The following RBP2 variants were observed in gnomAD, a reference collection of about 807,000 sequenced individuals.
The protein encoded by RBP2 is retinol binding protein 2, also known as retinol-binding protein 2.
In RBP2, 17 loss-of-function variants were observed where a neutral mutation model predicts 17.0. The ratio of observed to expected loss-of-function variants is 1.00; its 90% CI spans 0.68 to 1.50. RBP2 has a LOEUF of 1.50. Ranked by LOEUF, RBP2 falls within the 40% of genes most tolerant of loss-of-function variation. The pLI is 0.00. For missense variants in RBP2, 158 were observed against 168.2 expected (o/e 0.94, Z 0.33); for synonymous variants, 48 against 57.1 (o/e 0.84, Z 0.72).
intron 2 of RBP2, among the ~76,000 whole-genome samples, chr3:139,456,972 C>A (rs1932994426): frequency 6.6e-6 from 1 of 152,066 alleles, no homozygotes; most frequent in African/African-American, 2.4e-5. Context: ...TCTGAGTTTT[C>A]CTCTAAAGAG....
At chr3:139,467,870 T>A (rs1933419055) in intron 1 of RBP2, among the ~76,000 whole-genome samples, 1 of 152,168 alleles carries the variant, frequency 6.6e-6, no homozygotes, top group Admixed American at 6.5e-5. Context: ...ATAGACTTGG[T>A]CTGTCCCATA....
At chr3:139,466,778 A>C (rs756220151) in intron 1 of RBP2, 1 of 152,246 alleles carries the variant, frequency 6.6e-6, no homozygotes, top group African/African-American at 2.4e-5. Flanking sequence ...TAATATCATT[A>C]TGAAGCCCCT....
chr3:139,471,520 T>A (rs1452638995), intron 1 of RBP2, among the ~76,000 whole-genome samples: 1 of 152,246 alleles, frequency 6.6e-6, no homozygotes, highest in Non-Finnish European at 1.5e-5. Context: ...GTGAAAAAGA[T>A]GTTCTTCATA....
At chr3:139,459,400 A>ATATGTGTGTGTG (rs111417242) in intron 2 of RBP2, among the ~76,000 whole-genome samples, 2,490 of 128,508 alleles carry the variant, frequency 0.019, 61 homozygotes, top group African/African-American at 0.06. Flanking sequence ...TACTATATAT[A>ATATGTGTGTGTG]TGTGTGTGTG....
intron 2 of RBP2, 24 bp from the exon 3 acceptor site, chr3:139,454,854 A>G: frequency 6.3e-7 from 1 of 1,597,854 alleles, no homozygotes; most frequent in South Asian, 1.1e-5. Flanking sequence ...TTCCCAGGCA[A>G]ATCAAACACA....
chr3:139,469,169 G>A (rs998239949), intron 1 of RBP2, among the ~76,000 whole-genome samples: 1 of 152,142 alleles, frequency 6.6e-6, no homozygotes, highest in South Asian at 2.1e-4. Flanking sequence ...CTTCAAATTT[G>A]GACTCCTTAA....
In RBP2 at chr3:139,459,302, C is replaced by T. The variant is rs547598911; in HGVS notation, c.252+2810G>A. ...CAGGCATGGTGGCTCACGCCTGTAACCCCAGCAGTTTTGGAGGCCGAGGCG... is the reference window on the plus strand; with the variant it reads ...CAGGCATGGTGGCTCACGCCTGTAATCCCAGCAGTTTTGGAGGCCGAGGCG... On this transcript the variant is annotated intron_variant, in intron 2 of 3. Transcript: ENST00000232217. Among the ~76,000 whole-genome samples, 33 of 149,556 alleles carry T rather than the reference C, an allele frequency of 2.2e-4. 2 individuals carry two copies. In the South Asian group the frequency reaches 6.8e-3, roughly 31 times the overall value.
chr3:139,453,312 C>T, intron 3 of RBP2, 146 bp from the exon 4 acceptor site: 1 of 787,906 alleles, frequency 1.3e-6, no homozygotes, highest in Non-Finnish European at 2.2e-6. Context: ...CAGACCCAAT[C>T]AGCGGGCATG....
rs115416598 is a variant in RBP2 at position 139,464,429 on chromosome 3, C to T, written c.74-2139G>A. Among the ~76,000 whole-genome samples, 691 of 151,954 alleles carry T rather than the reference C, an allele frequency of 4.5e-3. 7 individuals carry two copies. Among genetic ancestry groups the T allele is most frequent in the African/African-American group, 0.016 (665 of 41,374 alleles). ...GCCAAGATTGTGCCATTGCACTCCT[C>T]GCAATAGAGCGAGACTCCATCTCAA... is the stretch of plus-strand genomic sequence containing the variant. On this transcript the variant is annotated intron_variant, in intron 1 of 3. Transcript: ENST00000232217.
At chr3:139,461,054 G>A (rs1933170069) in intron 2 of RBP2, among the ~76,000 whole-genome samples, 1 of 152,130 alleles carries the variant, frequency 6.6e-6, no homozygotes, top group Non-Finnish European at 1.5e-5. Flanking sequence ...AACTGAGATT[G>A]GATTTCTCCT....
chr3:139,465,998 C>T (rs1275746430), intron 1 of RBP2, among the ~76,000 whole-genome samples: 1 of 152,136 alleles, frequency 6.6e-6, no homozygotes, highest in Non-Finnish European at 1.5e-5. Context: ...CTAGAGCCCC[C>T]ACTTCCCCAC....
chr3:139,453,405 CTCT>C (rs960756699), intron 3 of RBP2, among the ~76,000 whole-genome samples: 1 of 152,210 alleles, frequency 6.6e-6, no homozygotes, highest in Non-Finnish European at 1.5e-5. Flanking sequence ...AGAAATGACC[CTCT>C]TGGGCAGGAT....
intron 3 of RBP2, 105 bp downstream of exon 3, chr3:139,454,624 G>C: frequency 1.9e-6 from 2 of 1,029,590 alleles, no homozygotes; most frequent in Non-Finnish European, 1.5e-6. Context: ...CTGGAGCTCG[G>C]GGTAGGAGTG....
At chr3:139,462,426 C>T in intron 1 of RBP2, 136 bp from the exon 2 acceptor site, 2 of 935,684 alleles carry the variant, frequency 2.1e-6, no homozygotes, top group Non-Finnish European at 3.3e-6. Context: ...GGGAAACAAG[C>T]ATCTTACTCG....
intron 1 of RBP2, among the ~76,000 whole-genome samples, chr3:139,470,693 C>T (rs985807383): frequency 2.0e-5 from 3 of 152,162 alleles, no homozygotes; most frequent in Middle Eastern, 3.4e-3. Context: ...ATTCTCCCCC[C>T]TCAGCCTCCT....
At chr3:139,469,726 T>TATCC in intron 1 of RBP2, among the ~76,000 whole-genome samples, 1 of 151,094 alleles carries the variant, frequency 6.6e-6, no homozygotes. Context: ...TCTATCTATC[T>TATCC]ATCTATCTAC....
intron 1 of RBP2, among the ~76,000 whole-genome samples, chr3:139,469,732 T>TCTATCTAC (rs1186144730): frequency 5.3e-5 from 8 of 150,162 alleles, no homozygotes; most frequent in Non-Finnish European, 1.0e-4. Context: ...TATCTATCTA[T>TCTATCTAC]CTACCTACTC....
intron 1 of RBP2, among the ~76,000 whole-genome samples, chr3:139,471,170 G>C (rs1314987957): frequency 6.6e-6 from 1 of 152,188 alleles, no homozygotes; most frequent in Non-Finnish European, 1.5e-5. Context: ...AATGCCTAGA[G>C]CACTTCCTGA....
chr3:139,463,392 T>G (rs1163827807), intron 1 of RBP2, among the ~76,000 whole-genome samples: 2 of 152,152 alleles, frequency 1.3e-5, no homozygotes, highest in Non-Finnish European at 2.9e-5. Flanking sequence ...TTCACCATTT[T>G]AGCCAGGATT....
Sources: allele counts gnomAD v4.1 joint callset (sites outside exome capture counted in the v4.1 genomes callset), GRCh38; gene constraint gnomAD v4.1.1; transcripts MANE v1.5; gene names NCBI Gene and HGNC (gene_info 2026-07-23, HGNC 2026-07-21).